The following RAD51B variants were observed in gnomAD, a reference collection of about 807,000 sequenced individuals.
The protein encoded by RAD51B is DNA repair protein RAD51 homolog 2.
A neutral mutation model predicts 42.2 loss-of-function variants in RAD51B; 38 were observed. The observed-to-expected ratio is 0.90, with a 90% CI of 0.70 to 1.18. The LOEUF (loss-of-function observed/expected upper bound fraction) is 1.18. Ranked by LOEUF, RAD51B falls within the 50% of genes most tolerant of loss-of-function variation. RAD51B has a pLI of 0.00. For missense variants in RAD51B, 373 were observed against 400.7 expected, an observed-to-expected ratio of 0.93 and a Z score of 0.59; for synonymous variants, 154 against 145.2, an observed-to-expected ratio of 1.06 and a Z score of -0.43.
intron 7 of RAD51B, among the ~76,000 whole-genome samples, chr14:67,928,343 A>C (rs1197159067): frequency 6.6e-6 from 1 of 152,140 alleles, no homozygotes; most frequent in African/African-American, 2.4e-5. Flanking sequence ...TTTAATAGGC[A>C]AGAAAGAAGG....
intron 9 of RAD51B, among the ~76,000 whole-genome samples, chr14:68,417,485 G>A (rs2084590839): frequency 6.6e-6 from 1 of 152,318 alleles, no homozygotes; most frequent in African/African-American, 2.4e-5. Flanking sequence ...CAACAGAAGT[G>A]CTCTAACAGG....
chr14:67,932,542 G>T (rs770432032), intron 7 of RAD51B, among the ~76,000 whole-genome samples: 2 of 152,140 alleles, frequency 1.3e-5, no homozygotes, highest in East Asian at 3.8e-4. Context: ...TCCCCAGGTG[G>T]CTTGCTCAGA....
chr14:68,615,118 G>A (rs1009998216), downstream of RAD51B, among the ~76,000 whole-genome samples: 12 of 152,122 alleles, frequency 7.9e-5, 1 homozygote, highest in South Asian at 1.2e-3. Flanking sequence ...TGATCCACCC[G>A]CCTTGGCCTC....
intron 10 of RAD51B, among the ~76,000 whole-genome samples, chr14:68,634,025 G>C (rs1182325298): frequency 6.6e-6 from 1 of 152,224 alleles, no homozygotes; most frequent in Non-Finnish European, 1.5e-5. Flanking sequence ...AAGTTTGACA[G>C]GAATAAGCAA....
intron 7 of RAD51B, among the ~76,000 whole-genome samples, chr14:68,211,929 T>TA (rs1393139586): frequency 5.3e-5 from 8 of 152,232 alleles, no homozygotes; most frequent in African/African-American, 1.9e-4. Flanking sequence ...TATGATGTCT[T>TA]GTGTTTACAG....
chr14:68,087,953 A>C (rs1030287775), intron 7 of RAD51B, among the ~76,000 whole-genome samples: 3 of 114,052 alleles, frequency 2.6e-5, no homozygotes, highest in African/African-American at 1.3e-4. Context: ...TATTATATAT[A>C]ATTATATAAT....
At chr14:68,291,791 A>G (rs976176571) in intron 7 of RAD51B, 93 bp from the exon 8 acceptor site, 7 of 962,418 alleles carry the variant, frequency 7.3e-6, no homozygotes, top group South Asian at 4.2e-5. Context: ...CTCCTAAACC[A>G]TAGTCTGCCT....
Position 68,644,397 on chromosome 14 carries a change from A to T in RAD51B, c.1037-6384A>T, listed in dbSNP as rs4902624. Among the ~76,000 whole-genome samples the T allele has an allele frequency of 1.3e-5, 2 of 152,192 alleles. 1 individual carries two copies. The highest frequency in any genetic ancestry group is 4.1e-4 in the South Asian group (2 of 4,824). On this transcript the variant is annotated intron_variant, in intron 10 of 11. Coordinates refer to the RAD51B transcript ENST00000488612. ...TCTACCTCTTTCTGCCACTCCTCTG[A>T]CCCTCTGAGGGACCCTGGAATCCAT...
Position 68,293,482 on chromosome 14 carries a change from C to T in RAD51B, c.853+1502C>T, listed in dbSNP as rs537714740. Among the ~76,000 whole-genome samples, 41 of 152,174 alleles carry T rather than the reference C, an allele frequency of 2.7e-4. No homozygotes were observed. The Middle Eastern group carries it at 0.024, about 88-fold the overall frequency. ...GTGAATGATTTCAACCCTTCATAAT[C>T]TGTCATTTCCTTTCTATTCAAATTT... On this transcript the variant is annotated intron_variant, in intron 8 of 10. Transcript: ENST00000471583.
At chr14:68,133,053 T>A (rs1195450284) in intron 7 of RAD51B, among the ~76,000 whole-genome samples, 7 of 152,158 alleles carry the variant, frequency 4.6e-5, no homozygotes, top group Admixed American at 3.3e-4. Flanking sequence ...AAAAGAGGGA[T>A]GCTTTTTCCA....
At chr14:68,642,424 CT>C (rs1892481567) in intron 10 of RAD51B, among the ~76,000 whole-genome samples, 1 of 152,114 alleles carries the variant, frequency 6.6e-6, no homozygotes, top group Non-Finnish European at 1.5e-5. Context: ...CTTCATTATC[CT>C]TTTAATGTCC....
At chr14:68,063,655 GA>G (rs2076604488) in intron 7 of RAD51B, among the ~76,000 whole-genome samples, 1 of 152,180 alleles carries the variant, frequency 6.6e-6, no homozygotes, top group South Asian at 2.1e-4. Flanking sequence ...AGAATCACTT[GA>G]ACCCAGGAGG....
chr14:68,275,835 CA>C lies in RAD51B; in HGVS notation c.757-16048del, dbSNP rs1566778270. ...ACACACACACACACACACACACACA[CA>C]CACACCCTTGAATTCTCAGCTGACA... On this transcript the variant is annotated intron_variant, in intron 7 of 10. Coordinates refer to ENST00000471583, the MANE Select transcript of RAD51B (RefSeq NM_133510.4). Among the ~76,000 whole-genome samples the C allele has an allele frequency of 1.4e-3, 199 of 138,924 alleles. 1 individual carries two copies. Among genetic ancestry groups the C allele is most frequent in the African/African-American group, 4.3e-3 (159 of 37,346 alleles). 91.1% of individuals were successfully genotyped at this position (138,924 alleles called of 152,430 possible).
At chr14:67,931,496 AT>A (rs1290308063) in intron 7 of RAD51B, among the ~76,000 whole-genome samples, 1 of 112,418 alleles carries the variant, frequency 8.9e-6, no homozygotes, top group Non-Finnish European at 1.9e-5. Flanking sequence ...TTTTTCTGGG[AT>A]TTCTTTTTTT....
intron 10 of RAD51B, among the ~76,000 whole-genome samples, chr14:68,533,445 G>A (rs1887433092): frequency 6.6e-6 from 1 of 152,200 alleles, no homozygotes; most frequent in South Asian, 2.1e-4. Context: ...ATAAGTCCTG[G>A]AGACATCAAG....
At chr14:68,340,842 G>C (rs1166444890) in intron 8 of RAD51B, among the ~76,000 whole-genome samples, 2 of 152,232 alleles carry the variant, frequency 1.3e-5, no homozygotes, top group African/African-American at 4.8e-5. Context: ...TCTGGTTAGG[G>C]AAGTAAAATA....
At chr14:68,617,502 C>A (rs1891849676) in intron 10 of RAD51B, among the ~76,000 whole-genome samples, 1 of 152,198 alleles carries the variant, frequency 6.6e-6, no homozygotes, top group South Asian at 2.1e-4. Flanking sequence ...TAGTATTAAG[C>A]ACTCAACAGG....
chr14:68,044,069 G>T (rs1685536729), intron 7 of RAD51B, among the ~76,000 whole-genome samples: 1 of 152,146 alleles, frequency 6.6e-6, no homozygotes, highest in Non-Finnish European at 1.5e-5. Flanking sequence ...GTTTTTTCTT[G>T]TCTACTGTCA....
chr14:67,953,622 A>G (rs1353123054), intron 7 of RAD51B, among the ~76,000 whole-genome samples: 2 of 152,146 alleles, frequency 1.3e-5, no homozygotes, highest in East Asian at 1.9e-4. Context: ...GCAGAGGCCC[A>G]GGTGAGAGAG....
Sources: gnomAD v4.1 joint callset for allele counts (sites outside exome capture counted in the v4.1 genomes callset) on GRCh38, gnomAD v4.1.1 for gene constraint, MANE v1.5 for transcripts, NCBI Gene and HGNC (gene_info 2026-07-23, HGNC 2026-07-21) for gene names.